SMIM35: variants seen among roughly 807,000 people sequenced by gnomAD.
The protein encoded by SMIM35 is small integral membrane protein 35.
intron 1 of SMIM35, among the ~76,000 whole-genome samples, chr11:118,026,304 A>G (rs1332266295): frequency 2.0e-5 from 3 of 152,256 alleles, no homozygotes; most frequent in Admixed American, 6.5e-5. Flanking sequence ...TATTTCCTCA[A>G]TAGAAATGGA....
chr11:118,078,727 T>C (rs1418393690), intron 1 of SMIM35, among the ~76,000 whole-genome samples: 1 of 152,036 alleles, frequency 6.6e-6, no homozygotes. Context: ...AAGGGAATCA[T>C]TTCTAGGGCA....
At chr11:118,009,611 C>G (rs2058140326) in intron 4 of SMIM35, among the ~76,000 whole-genome samples, 1 of 152,004 alleles carries the variant, frequency 6.6e-6, no homozygotes, top group African/African-American at 2.4e-5. Flanking sequence ...CTTTCAACTG[C>G]CATCTCCTAA....
chr11:118,014,235 G>A (rs918732601), intron 3 of SMIM35, among the ~76,000 whole-genome samples: 12 of 152,166 alleles, frequency 7.9e-5, no homozygotes, highest in African/African-American at 2.4e-4. Context: ...AGTCATCTTT[G>A]TACTCTTTGA....
intron 1 of SMIM35, among the ~76,000 whole-genome samples, chr11:118,045,947 G>A (rs1440877520): frequency 1.3e-5 from 2 of 152,198 alleles, no homozygotes; most frequent in African/African-American, 4.8e-5. Context: ...TGTTGAAATG[G>A]GGATTAAAAT....
At chr11:118,076,466 A>T (rs4938476) in intron 1 of SMIM35, among the ~76,000 whole-genome samples, 24 of 151,990 alleles carry the variant, frequency 1.6e-4, no homozygotes, top group Admixed American at 4.6e-4. Context: ...AAAGAAAAAA[A>T]GAAAGAAAGA....
intron 1 of SMIM35, among the ~76,000 whole-genome samples, chr11:118,017,143 A>T (rs1035607386): frequency 6.6e-6 from 1 of 152,206 alleles, no homozygotes; most frequent in Non-Finnish European, 1.5e-5. Flanking sequence ...TCCTCATCAT[A>T]CTAGGAAAAA....
At chr11:118,028,517 A>G (rs1055111445) in intron 1 of SMIM35, among the ~76,000 whole-genome samples, 7 of 152,244 alleles carry the variant, frequency 4.6e-5, no homozygotes, top group Admixed American at 1.3e-4. Context: ...CCAAAATACT[A>G]TCTTAATTCT....
intron 1 of SMIM35, among the ~76,000 whole-genome samples, chr11:118,081,590 CCCTGTCCAGGCGTGCGCA>C (rs1945140870): frequency 6.6e-6 from 1 of 152,198 alleles, no homozygotes; most frequent in Non-Finnish European, 1.5e-5. Context: ...ACATGATGGC[CCCTGTCCAGGCGTGCGCA>C]CCTGTCCAGG....
At chr11:118,038,947 GA>G (rs1431941477) in intron 1 of SMIM35, among the ~76,000 whole-genome samples, 1 of 152,204 alleles carries the variant, frequency 6.6e-6, no homozygotes, top group Non-Finnish European at 1.5e-5. Context: ...GAAGTGAGGA[GA>G]GGGGGTGGAG....
chr11:118,011,319 G>A (rs572792161), intron 4 of SMIM35, among the ~76,000 whole-genome samples: 1 of 152,330 alleles, frequency 6.6e-6, no homozygotes, highest in Admixed American at 6.5e-5. Flanking sequence ...TGAGTTCTGA[G>A]CACTTCCGGG....
At chr11:118,073,078 C>T (rs1017059277) in intron 1 of SMIM35, among the ~76,000 whole-genome samples, 23 of 152,292 alleles carry the variant, frequency 1.5e-4, no homozygotes, top group African/African-American at 5.3e-4. Context: ...CCACCACGCC[C>T]GGCTAATTTT....
At chr11:118,047,883 GGTCTGT>G (rs1283076636) in intron 1 of SMIM35, among the ~76,000 whole-genome samples, 1 of 152,164 alleles carries the variant, frequency 6.6e-6, no homozygotes, top group East Asian at 1.9e-4. Flanking sequence ...TGCTAGGCAA[GGTCTGT>G]GTCTTGGGAA....
chr11:118,014,022 AG>A (rs2058163608), intron 3 of SMIM35, 142 bp from the exon 4 acceptor site: 1 of 394,104 alleles, frequency 2.5e-6, no homozygotes, highest in Non-Finnish European at 4.5e-6. Flanking sequence ...ATCATCTCTC[AG>A]GGCCAAAGGA....
intron 1 of SMIM35, among the ~76,000 whole-genome samples, chr11:118,065,679 A>G (rs2135129970): frequency 6.6e-6 from 1 of 152,254 alleles, no homozygotes; most frequent in African/African-American, 2.4e-5. Flanking sequence ...GGTGTACACT[A>G]AGTAATCAAT....
chr11:118,032,764 C>T (rs1466504509), intron 1 of SMIM35, among the ~76,000 whole-genome samples: 1 of 151,994 alleles, frequency 6.6e-6, no homozygotes, highest in Non-Finnish European at 1.5e-5. Flanking sequence ...AAAAATTATC[C>T]AGGCGTGGTG....
chr11:118,054,164 G>GTTTTTTTTT (rs1250219875), intron 1 of SMIM35, among the ~76,000 whole-genome samples: 2 of 105,638 alleles, frequency 1.9e-5, no homozygotes, highest in African/African-American at 3.5e-5. Flanking sequence ...GGATTTTTTT[G>GTTTTTTTTT]TTTTGTTTTT....
At chr11:118,014,010 T>C in intron 3 of SMIM35, 130 bp from the exon 4 acceptor site, 1 of 394,802 alleles carries the variant, frequency 2.5e-6, no homozygotes, top group Non-Finnish European at 4.5e-6. Flanking sequence ...CCACTTACCA[T>C]AATCATCTCT....
intron 1 of SMIM35, among the ~76,000 whole-genome samples, chr11:118,070,854 C>A (rs191710607): frequency 6.6e-6 from 1 of 152,096 alleles, no homozygotes; most frequent in East Asian, 1.9e-4. Flanking sequence ...GCTGCAGAAG[C>A]CAGTGTAGGC....
chr11:118,062,506 A>G (rs1029987893), intron 1 of SMIM35, among the ~76,000 whole-genome samples: 2 of 152,132 alleles, frequency 1.3e-5, no homozygotes, highest in African/African-American at 2.4e-5. Flanking sequence ...GATGCTTCTC[A>G]AAGACCAGCT....
Sources: gnomAD v4.1 joint callset for allele counts (sites outside exome capture counted in the v4.1 genomes callset) on GRCh38, gnomAD v4.1.1 for gene constraint, MANE v1.5 for transcripts, NCBI Gene and HGNC (gene_info 2026-07-23, HGNC 2026-07-21) for gene names.